Variants in ARB2A observed in about 807,000 individuals in gnomAD.
The protein encoded by ARB2A is ARB2 cotranscriptional regulator A, also known as cotranscriptional regulator ARB2A.
At chr5:93,685,047 T>C in the ARB2A span, among the ~76,000 whole-genome samples, 1 of 152,226 alleles carries the variant, frequency 6.6e-6, no homozygotes, top group Admixed American at 6.5e-5. Context: ...TGCCTCATTG[T>C]GAGCAGACAA....
chr5:93,736,742 A>C, the ARB2A span: 1 of 152,202 alleles, frequency 6.6e-6, no homozygotes, highest in Non-Finnish European at 1.5e-5. Context: ...TTCCAGAGAA[A>C]CTGTCAAAAA....
chr5:93,671,175 TAAAG>T, the ARB2A span, among the ~76,000 whole-genome samples: 4 of 152,208 alleles, frequency 2.6e-5, no homozygotes, highest in African/African-American at 7.2e-5. Flanking sequence ...TCCAGAATCT[TAAAG>T]AAGCCAGATT....
the ARB2A span, among the ~76,000 whole-genome samples, chr5:93,812,199 A>G: frequency 6.6e-6 from 1 of 152,126 alleles, no homozygotes. Flanking sequence ...GATGCCCTAC[A>G]ATGTGTAATA....
chr5:94,109,818 C>G, the ARB2A span, among the ~76,000 whole-genome samples: 1 of 151,960 alleles, frequency 6.6e-6, no homozygotes, highest in Non-Finnish European at 1.5e-5. Context: ...GCTTACCACC[C>G]TATCTAAAAT....
chr5:93,683,067 T>C, the ARB2A span: 1 of 1,563,610 alleles, frequency 6.4e-7, no homozygotes. Flanking sequence ...GATCTTGGTG[T>C]TGATGGTTTT....
the ARB2A span, among the ~76,000 whole-genome samples, chr5:94,104,941 A>G: frequency 6.6e-6 from 1 of 152,064 alleles, no homozygotes; most frequent in Non-Finnish European, 1.5e-5. Context: ...CTTTTGATAA[A>G]ATTTAACATG....
At chr5:94,074,896 C>T in the ARB2A span, 1 of 585,540 alleles carries the variant, frequency 1.7e-6, no homozygotes, top group Non-Finnish European at 3.0e-6. Flanking sequence ...ATGCCTATGC[C>T]ATAGTACTTA....
chr5:93,753,916 C>T, the ARB2A span, among the ~76,000 whole-genome samples: 3 of 152,112 alleles, frequency 2.0e-5, no homozygotes, highest in Admixed American at 2.0e-4. Flanking sequence ...AGCCTTCCAT[C>T]CTGTGTGCCT....
the ARB2A span, among the ~76,000 whole-genome samples, chr5:93,938,461 C>T: frequency 3.3e-4 from 50 of 152,132 alleles, no homozygotes; most frequent in South Asian, 9.8e-3. Context: ...TTTTTAAAAC[C>T]GACTCATAGC....
chr5:93,837,389 C>T, the ARB2A span, among the ~76,000 whole-genome samples: 5 of 152,126 alleles, frequency 3.3e-5, no homozygotes, highest in African/African-American at 9.7e-5. Context: ...ATTGATTCCA[C>T]GTCTTTGCTA....
the ARB2A span, among the ~76,000 whole-genome samples, chr5:93,633,938 A>G: frequency 6.6e-6 from 1 of 152,046 alleles, no homozygotes; most frequent in South Asian, 2.1e-4. Flanking sequence ...CCCGAGTAGT[A>G]GGATTGTAGA....
At chr5:93,692,840 A>G in the ARB2A span, among the ~76,000 whole-genome samples, 16 of 152,356 alleles carry the variant, frequency 1.1e-4, no homozygotes, top group East Asian at 1.2e-3. Flanking sequence ...AATGGAAATC[A>G]TAACGAACAC....
the ARB2A span, among the ~76,000 whole-genome samples, chr5:93,924,066 T>C: frequency 2.0e-5 from 3 of 152,104 alleles, no homozygotes; most frequent in Non-Finnish European, 2.9e-5. Flanking sequence ...TCAAATTATA[T>C]TTGAAAGCAC....
At chr5:93,629,013 A>G in the ARB2A span, among the ~76,000 whole-genome samples, 1 of 152,320 alleles carries the variant, frequency 6.6e-6, no homozygotes, top group South Asian at 2.1e-4. Flanking sequence ...TTGGCTTTTG[A>G]CACGCCTTCC....
At chr5:93,897,975 C>G in the ARB2A span, among the ~76,000 whole-genome samples, 1 of 151,822 alleles carries the variant, frequency 6.6e-6, no homozygotes, top group East Asian at 1.9e-4. Flanking sequence ...CATTGCTGTA[C>G]CATGTTCCCA....
At chr5:93,780,870 C>T in the ARB2A span, among the ~76,000 whole-genome samples, 9 of 152,168 alleles carry the variant, frequency 5.9e-5, no homozygotes, top group Admixed American at 1.3e-4. Context: ...GACCTTCTTT[C>T]TTTAAAGGAA....
the ARB2A span, among the ~76,000 whole-genome samples, chr5:94,086,859 T>C: frequency 1.3e-4 from 20 of 152,192 alleles, no homozygotes; most frequent in Non-Finnish European, 2.4e-4. Context: ...TGCTGGTGAC[T>C]ATGTTTTTAC....
At chr5:93,631,956 T>C in the ARB2A span, among the ~76,000 whole-genome samples, 1 of 152,200 alleles carries the variant, frequency 6.6e-6, no homozygotes, top group African/African-American at 2.4e-5. Context: ...CCTTTCTCAA[T>C]TGTGAATTCT....
chr5:93,956,405 A>G, the ARB2A span, among the ~76,000 whole-genome samples: 3 of 152,206 alleles, frequency 2.0e-5, no homozygotes. Flanking sequence ...GGTTTTAACC[A>G]TAAAATGATA....
Sources: gnomAD v4.1 joint callset for allele counts (sites outside exome capture counted in the v4.1 genomes callset) on GRCh38, gnomAD v4.1.1 for gene constraint, MANE v1.5 for transcripts, NCBI Gene and HGNC (gene_info 2026-07-23, HGNC 2026-07-21) for gene names.